Variants in HECW2 observed in about 807,000 individuals in gnomAD.
The protein encoded by HECW2 is HECT, C2 and WW domain containing E3 ubiquitin protein ligase 2.
Under a neutral mutation model 175.2 loss-of-function variants are expected in HECW2, and 61 were observed. That is an observed-to-expected ratio of 0.35 (90% confidence interval 0.28 to 0.43). The LOEUF (loss-of-function observed/expected upper bound fraction) is 0.43, where lower values mean the gene tolerates loss of function less well. Ranked by LOEUF, HECW2 falls within the 20% of genes least tolerant of loss-of-function variation. The pLI is 1.00. For synonymous variants in HECW2, 671 were observed against 731.0 expected, an observed-to-expected ratio of 0.92 and a Z score of 1.32; for missense variants, 1,524 against 2,000.5, an observed-to-expected ratio of 0.76 and a Z score of 4.54.
At chr2:196,450,867 T>C (rs548171389) in intron 1 of HECW2, among the ~76,000 whole-genome samples, 1 of 152,268 alleles carries the variant, frequency 6.6e-6, no homozygotes, top group East Asian at 1.9e-4. Context: ...TCACCAGGTA[T>C]TATCTATATG....
chr2:196,248,314 G>T (rs560667401), intron 19 of HECW2, among the ~76,000 whole-genome samples: 1 of 152,194 alleles, frequency 6.6e-6, no homozygotes, highest in Admixed American at 6.5e-5. Context: ...AGCTCTATGG[G>T]TGAGGACAAG....
intron 15 of HECW2, among the ~76,000 whole-genome samples, chr2:196,276,927 T>A (rs1054274520): frequency 6.6e-6 from 1 of 152,180 alleles, no homozygotes; most frequent in African/African-American, 2.4e-5. Flanking sequence ...TTTTTTCTTA[T>A]ACAAAATATA....
intron 19 of HECW2, among the ~76,000 whole-genome samples, chr2:196,252,050 T>C (rs1388826257): frequency 6.6e-6 from 1 of 151,618 alleles, no homozygotes; most frequent in East Asian, 1.9e-4. Flanking sequence ...AATACAAAAA[T>C]TTGCTGGGCA....
intron 28 of HECW2, among the ~76,000 whole-genome samples, chr2:196,206,885 TTAA>T (rs1330748695): frequency 3.3e-5 from 5 of 152,184 alleles, no homozygotes; most frequent in Admixed American, 3.3e-4. Context: ...ATACAAACAG[TTAA>T]TAATACTATG....
chr2:196,224,059 C>A (rs1433253047), intron 23 of HECW2, among the ~76,000 whole-genome samples: 2 of 152,010 alleles, frequency 1.3e-5, no homozygotes, highest in Non-Finnish European at 2.9e-5. Context: ...GAAAAAGTAC[C>A]ACAGGTGATT....
In HECW2 at chr2:196,486,328, A is replaced by G. The variant is rs1559138726; in HGVS notation, c.-35-52870T>C. Among the ~76,000 whole-genome samples the G allele has an allele frequency of 2.6e-5, 4 of 152,328 alleles. No individual in the cohort carries two copies. The South Asian group carries it at 8.3e-4, about 32-fold the overall frequency. ...AGAGCCTCCCTGCTGAGCTGCTTGCATGTTTCCTAACCTTGATGTCAGCCA... is the reference window on the plus strand; with the variant it reads ...AGAGCCTCCCTGCTGAGCTGCTTGCGTGTTTCCTAACCTTGATGTCAGCCA... On this transcript the variant is annotated intron_variant, in intron 1 of 28. Transcript: ENST00000644978.
rs1686630876 is a variant in HECW2, at chr2:196,194,694, G to A, written c.*6583C>T. ...AAAAATTACATATAAGGTGAAGTGA[G>A]AGCTGTATAACCTTAATGCTAACAG... On this transcript the variant is annotated 3_prime_UTR_variant, in exon 29 of 29. Coordinates refer to ENST00000644978, the MANE Select transcript of HECW2 (RefSeq NM_001348768.2). 1 of 151,408 alleles carries A rather than the reference G, an allele frequency of 6.6e-6. No individual in the cohort carries two copies. The highest frequency in any genetic ancestry group is 1.5e-5 in the Non-Finnish European group (1 of 67,890). 9.4% of individuals were successfully genotyped at this position (151,408 alleles called of 1,614,324 possible). A position where few individuals can be genotyped will look rare whatever the true frequency, so the allele number is the denominator to read the frequency against.
intron 19 of HECW2, among the ~76,000 whole-genome samples, chr2:196,245,099 C>T (rs1305000545): frequency 6.6e-6 from 1 of 152,160 alleles, no homozygotes; most frequent in African/African-American, 2.4e-5. Context: ...CTCAGAGAAA[C>T]ATCTACAATG....
intron 1 of HECW2, among the ~76,000 whole-genome samples, chr2:196,440,549 A>G (rs966212711): frequency 2.6e-5 from 4 of 152,168 alleles, no homozygotes; most frequent in Non-Finnish European, 1.5e-5. Context: ...ACCCTATTCA[A>G]TGTAATATTC....
At chr2:196,523,866 G>A (rs1447331000) in intron 1 of HECW2, among the ~76,000 whole-genome samples, 1 of 152,062 alleles carries the variant, frequency 6.6e-6, no homozygotes, top group Non-Finnish European at 1.5e-5. Flanking sequence ...TGTGCTGCTG[G>A]ATTCGTTTTG....
At position 196,274,090 on chromosome 2, in the gene HECW2, C is replaced by T. The variant is rs375808221; in HGVS notation, c.3169G>A (p.Val1057Ile). ...GEDSRHAGPP[V>I]LPRPSSTFNT... Reference sequence around the variant, plus strand: ...AATGTACTGGATGGCCTGGGAAGAACTGGTGGTCCTGCATGTCGAGAATCT... The same window carrying T: ...AATGTACTGGATGGCCTGGGAAGAATTGGTGGTCCTGCATGTCGAGAATCT... Residue 1057 changes from valine to isoleucine, a missense_variant, in exon 16 of 29, where the codon GTT (valine) becomes ATT (isoleucine). Physicochemically the swap from Val to Ile is conservative, Grantham distance 29 (BLOSUM62 3). Coordinates refer to ENST00000644978, the MANE Select transcript of HECW2 (RefSeq NM_001348768.2). The T allele has an allele frequency of 4.1e-5, 66 of 1,613,998 alleles. No homozygotes were observed. The South Asian group carries it at 7.2e-4, about 18-fold the overall frequency.
At position 196,195,686 on chromosome 2, in the gene HECW2, T is replaced by TA. The variant is rs1686660925; in HGVS notation, c.*5590dup. ...TATTCTAATGTCAAGGGATGTCCGC[T>TA]AAAAAAACCAAATAAGTATAATGAA... is the stretch of plus-strand genomic sequence containing the variant. On this transcript the variant is annotated 3_prime_UTR_variant, in exon 29 of 29. Coordinates refer to ENST00000644978, the MANE Select transcript of HECW2 (RefSeq NM_001348768.2). 1 of 152,140 alleles carries TA rather than the reference T, an allele frequency of 6.6e-6. No individual in the cohort carries two copies. The highest frequency in any genetic ancestry group is 6.5e-5 in the Admixed American group (1 of 15,274). The allele number at this position is 152,140 out of a possible 1,614,324, so 9.4% of individuals were successfully genotyped here. A position where few individuals can be genotyped will look rare whatever the true frequency, so the allele number is the denominator to read the frequency against.
In HECW2 at chr2:196,278,627, A is replaced by G. The variant is rs750978505; in HGVS notation, c.3036T>C (p.Thr1012=). ...FFVDHNSRTT[T]FIDPRLPLQS... is the part of the protein sequence containing the mutation. ...GAAGTGGGAGCCGGGGATCAATGAAAGTGGTGGTGCGGGAGTTGTGGTCCA... is the reference window on the plus strand; with the variant it reads ...GAAGTGGGAGCCGGGGATCAATGAAGGTGGTGGTGCGGGAGTTGTGGTCCA... Residue 1012 remains threonine, a synonymous_variant, in exon 15 of 29, where the codon ACT becomes ACC. Transcript: ENST00000644978. The G allele has an allele frequency of 3.5e-5, 56 of 1,613,970 alleles. No homozygotes were observed. The highest frequency in any genetic ancestry group is 4.7e-5 in the Non-Finnish European group (56 of 1,179,998).
intron 1 of HECW2, among the ~76,000 whole-genome samples, chr2:196,588,177 C>T (rs1331874053): frequency 6.6e-6 from 1 of 152,176 alleles, no homozygotes; most frequent in Non-Finnish European, 1.5e-5. Flanking sequence ...CTCCCACCTC[C>T]CACCTGCCTG....
At chr2:196,453,879 G>A (rs989817864) in intron 1 of HECW2, among the ~76,000 whole-genome samples, 3 of 152,152 alleles carry the variant, frequency 2.0e-5, no homozygotes, top group African/African-American at 4.8e-5. Context: ...GGAGCTTCAT[G>A]AAAAGCTCCA....
chr2:196,358,211 G>A (rs772136474), intron 2 of HECW2, among the ~76,000 whole-genome samples: 2 of 152,142 alleles, frequency 1.3e-5, no homozygotes, highest in Non-Finnish European at 2.9e-5. Flanking sequence ...GGCTCAGAAA[G>A]CTGTGAGGAG....
chr2:196,200,509 T>C lies in HECW2; in HGVS notation c.*768A>G, dbSNP rs1686822093. On this transcript the variant is annotated 3_prime_UTR_variant, in exon 29 of 29. Coordinates refer to ENST00000644978, the MANE Select transcript of HECW2 (RefSeq NM_001348768.2). The stretch of plus-strand genomic sequence containing the variant: ...ATAAACATAATGAACCTACAAAAAA[T>C]AAACAGAACTCACTGTGTACTTTTT... The C allele has an allele frequency of 6.6e-6, 1 of 152,600 alleles. No individual in the cohort carries two copies. Among genetic ancestry groups the C allele is most frequent in the South Asian group, 2.1e-4 (1 of 4,826 alleles). The allele number at this position is 152,600 out of a possible 1,614,324, so 9.5% of individuals were successfully genotyped here. A position where few individuals can be genotyped will look rare whatever the true frequency, so the allele number is the denominator to read the frequency against.
chr2:196,477,504 C>T (rs965866857), intron 1 of HECW2, among the ~76,000 whole-genome samples: 3 of 152,166 alleles, frequency 2.0e-5, no homozygotes, highest in Admixed American at 6.5e-5. Context: ...CATTTTTCCT[C>T]AAAATCCCTT....
intron 1 of HECW2, among the ~76,000 whole-genome samples, chr2:196,568,950 T>C (rs892861307): frequency 1.1e-4 from 16 of 152,230 alleles, no homozygotes; most frequent in Non-Finnish European, 2.4e-4. Context: ...TTTTCAGTTG[T>C]GTATGTTAAT....
Sources: gnomAD v4.1 joint callset for allele counts (sites outside exome capture counted in the v4.1 genomes callset) on GRCh38, gnomAD v4.1.1 for gene constraint, MANE v1.5 for transcripts, NCBI Gene and HGNC (gene_info 2026-07-23, HGNC 2026-07-21) for gene names.